Variants in ANLN observed in about 807,000 individuals in gnomAD.
The protein encoded by ANLN is anillin, actin binding protein, also known as anillin.
Under a neutral mutation model 135.1 loss-of-function variants are expected in ANLN, and 59 were observed. The observed-to-expected ratio is 0.44, with a 90% confidence interval of 0.35 to 0.54. ANLN has a LOEUF of 0.54. Ranked by LOEUF, ANLN falls within the 20% of genes least tolerant of loss-of-function variation. The probability of loss-of-function intolerance (pLI) is 0.00; values close to 1 mark genes in which losing one functional copy is unlikely to be tolerated. For synonymous variants in ANLN, 406 were observed against 456.4 expected, an observed-to-expected ratio of 0.89 and a Z score of 1.41; for missense variants, 1,182 against 1,340.0, an observed-to-expected ratio of 0.88 and a Z score of 1.84.
chr7:36,427,962 A>G (rs1391338797), intron 20 of ANLN, among the ~76,000 whole-genome samples: 1 of 152,190 alleles, frequency 6.6e-6, no homozygotes, highest in Non-Finnish European at 1.5e-5. Context: ...GCGAATATAG[A>G]GATGAAGAAG....
Position 36,449,688 on chromosome 7 carries a change from G to A in ANLN, c.3102G>A (p.Leu1034=). ...KRKNPIGRIN[L]ANCTSRQIEP... is the part of the protein sequence containing the mutation. ...AGAATCCCATAGGAAGGATAAATCTGGCTAATTGTACCAGTCGTCAGATAG... is the reference window on the plus strand; with the variant it reads ...AGAATCCCATAGGAAGGATAAATCTAGCTAATTGTACCAGTCGTCAGATAG... Residue 1034 remains leucine, a synonymous_variant, in exon 23 of 24, where the codon CTG becomes CTA. Coordinates refer to ENST00000265748, the MANE Select transcript of ANLN (RefSeq NM_018685.5). The A allele has an allele frequency of 6.2e-7, 1 of 1,611,916 alleles. No individual in the cohort carries two copies. Among genetic ancestry groups the A allele is most frequent in the Non-Finnish European group, 8.5e-7 (1 of 1,178,840 alleles).
intron 17 of ANLN, 34 bp from the exon 18 acceptor site, chr7:36,425,668 A>G (rs1583632346): frequency 1.3e-6 from 2 of 1,500,710 alleles, no homozygotes; most frequent in Non-Finnish European, 1.8e-6. Flanking sequence ...ATGTTTAATA[A>G]GAAATATATA....
chr7:36,407,880 G>A lies in ANLN; in HGVS notation c.1020G>A (p.Gln340=). The change falls in exon 5 of 24, where the codon CAG becomes CAA. Residue 340 remains glutamine (Q), a synonymous_variant. Coordinates refer to ENST00000265748, the MANE Select transcript of ANLN (RefSeq NM_018685.5). ...CAATTGTGAAGTCAACTTTATCCCAGACAGTTCCATCCAAGGGAGAATTAA... is the reference window on the plus strand; with the variant it reads ...CAATTGTGAAGTCAACTTTATCCCAAACAGTTCCATCCAAGGGAGAATTAA... ...SKPIVKSTLS[Q]TVPSKGELSR... The A allele has an allele frequency of 1.2e-6, 2 of 1,613,886 alleles. No homozygotes were observed. The highest frequency in any genetic ancestry group is 2.7e-5 in the African/African-American group (2 of 75,036).
In ANLN at chr7:36,452,754, A is replaced by G; in HGVS notation, c.*154A>G. 1 of 775,424 alleles carries G rather than the reference A, an allele frequency of 1.3e-6. No homozygotes were observed. Among genetic ancestry groups the G allele is most frequent in the Admixed American group, 2.8e-5 (1 of 35,918 alleles). 48.0% of individuals were successfully genotyped at this position (775,424 alleles called of 1,614,324 possible). A position where few individuals can be genotyped will look rare whatever the true frequency, so the allele number is the denominator to read the frequency against. ...ATTATGCAGTATTTATATCTTTTGT[A>G]TGTAAAACTTTAACTGATTTCTGTC... On this transcript the variant is annotated 3_prime_UTR_variant, in exon 24 of 24. Transcript: ENST00000265748.
At position 36,427,508 on chromosome 7, in the gene ANLN, C is replaced by T. The variant is rs182934522; in HGVS notation, c.2883+480C>T. Among the ~76,000 whole-genome samples the T allele has an allele frequency of 7.2e-5, 11 of 152,050 alleles. No individual in the cohort carries two copies. The East Asian group carries it at 1.7e-3, about 24-fold the overall frequency. ...CTGGGACTACAGGCACGTGATGCCA[C>T]GCCTGGCTAATTTTTACTATTGTTT... On this transcript the variant is annotated intron_variant, in intron 20 of 23. Transcript: ENST00000265748.
intron 20 of ANLN, among the ~76,000 whole-genome samples, chr7:36,436,334 G>A (rs982425244): frequency 6.6e-6 from 1 of 152,104 alleles, no homozygotes; most frequent in African/African-American, 2.4e-5. Context: ...TCTATTATAT[G>A]TATATACAGC....
chr7:36,452,043 G>A (rs914284721), intron 23 of ANLN, among the ~76,000 whole-genome samples: 5 of 152,152 alleles, frequency 3.3e-5, no homozygotes, highest in African/African-American at 1.2e-4. Context: ...CCAGGTGAAG[G>A]TCCATGGGTC....
chr7:36,391,796 C>A lies in ANLN; in HGVS notation c.18+1752C>A, dbSNP rs1786477598. Among the ~76,000 whole-genome samples the A allele has an allele frequency of 2.0e-5, 3 of 152,208 alleles. No homozygotes were observed. The South Asian group carries it at 6.2e-4, about 31-fold the overall frequency. On this transcript the variant is annotated intron_variant, in intron 1 of 23. Transcript: ENST00000265748. ...CACCCTACAAACATAGGAAATAAGT[C>A]TATCATATTAACGCCAGCGTATTAG...
chr7:36,439,746 A>G (rs1040018221), intron 21 of ANLN, among the ~76,000 whole-genome samples: 1 of 152,220 alleles, frequency 6.6e-6, no homozygotes, highest in Non-Finnish European at 1.5e-5. Context: ...CTACCCAAAG[A>G]AAAGAAGAAT....
In ANLN at chr7:36,408,031, A is replaced by G. The variant is rs186835572; in HGVS notation, c.1096+75A>G. The G allele has an allele frequency of 5.1e-4, 599 of 1,165,476 alleles. 1 individual carries two copies. The East Asian group carries it at 6.9e-3, about 13-fold the overall frequency. The allele number at this position is 1,165,476 out of a possible 1,614,324, so 72.2% of individuals were successfully genotyped here. ...CTATTCTCAGCATTTTAAATATTCAATTGTGAATGGTACAGCAATGATTTG... is the reference window on the plus strand; with the variant it reads ...CTATTCTCAGCATTTTAAATATTCAGTTGTGAATGGTACAGCAATGATTTG... On this transcript the variant is annotated intron_variant, in intron 5 of 23. Transcript: ENST00000265748.
chr7:36,453,333 C>G lies in ANLN; in HGVS notation c.*733C>G, dbSNP rs1435088791. 1 of 152,206 alleles carries G rather than the reference C, an allele frequency of 6.6e-6. No homozygotes were observed. Among genetic ancestry groups the G allele is most frequent in the East Asian group, 1.9e-4 (1 of 5,196 alleles). The allele number at this position is 152,206 out of a possible 1,614,324, so 9.4% of individuals were successfully genotyped here. ...TTATTTTTGCTGCGTAGCTTACAGA[C>G]TTAGCATATTAGTTTTTTCTACTCC... On this transcript the variant is annotated 3_prime_UTR_variant, in exon 24 of 24. Transcript: ENST00000265748.
chr7:36,414,235 T>C (rs1372237805), intron 7 of ANLN, among the ~76,000 whole-genome samples: 2 of 152,070 alleles, frequency 1.3e-5, no homozygotes, highest in Non-Finnish European at 2.9e-5. Context: ...CATTTCTTAG[T>C]TTGGTCCTAA....
In ANLN at chr7:36,420,275, G is replaced by A. The variant is rs1252212394; in HGVS notation, c.1976G>A (p.Gly659Asp). ...QRTRVPRAESGDSLGSEDRDL... is the reference protein window; with the variant it reads ...QRTRVPRAESDDSLGSEDRDL... Reference sequence around the variant, plus strand: ...ACTCGTGTCCCTCGAGCTGAATCTGGTGATAGCCTTGGTTCTGAAGATCGT... The same window carrying A: ...ACTCGTGTCCCTCGAGCTGAATCTGATGATAGCCTTGGTTCTGAAGATCGT... The change falls in exon 11 of 24, where the codon GGT becomes GAT. Residue 659 changes from glycine (G) to aspartate (D), a missense_variant. Around this residue, in one of 3 missense-constraint regions of ANLN, gnomAD observed 1,022 missense variants for 1,134.0 expected, o/e 0.90. Transcript: ENST00000265748. 6.2e-7 allele frequency: 1 copy of A among 1,614,102 alleles called. No homozygotes were observed. The highest frequency in any genetic ancestry group is 1.1e-5 in the South Asian group (1 of 91,082).
At chr7:36,390,101 C>T (rs750922271) in intron 1 of ANLN, 57 bp downstream of exon 1, 1 of 1,611,644 alleles carries the variant, frequency 6.2e-7, no homozygotes. Context: ...CCCCCACCCA[C>T]CTTCCTCTGT....
At chr7:36,395,200 AG>A (rs1786645609) in intron 1 of ANLN, among the ~76,000 whole-genome samples, 1 of 152,238 alleles carries the variant, frequency 6.6e-6, no homozygotes, top group African/African-American at 2.4e-5. Flanking sequence ...CTTTAGAGAC[AG>A]GGTCTCACTC....
At chr7:36,440,845 G>GA (rs1788741231) in intron 21 of ANLN, among the ~76,000 whole-genome samples, 1 of 152,174 alleles carries the variant, frequency 6.6e-6, no homozygotes, top group African/African-American at 2.4e-5. Context: ...AAGAAGTAGA[G>GA]AAAATCCACT....
chr7:36,450,443 A>T (rs1187855705), intron 23 of ANLN, among the ~76,000 whole-genome samples: 1 of 152,182 alleles, frequency 6.6e-6, no homozygotes, highest in Non-Finnish European at 1.5e-5. Context: ...TTAGAATTTG[A>T]TAAGATGTTT....
At chr7:36,404,419 G>T (rs1346008991) in intron 3 of ANLN, among the ~76,000 whole-genome samples, 3 of 152,124 alleles carry the variant, frequency 2.0e-5, no homozygotes. Flanking sequence ...ATCTTTCTGT[G>T]CATCTTCCAC....
intron 22 of ANLN, chr7:36,448,829 A>G (rs781089235): frequency 7.2e-5 from 11 of 152,184 alleles, no homozygotes; most frequent in Non-Finnish European, 1.5e-4. Flanking sequence ...GCATATTTAT[A>G]TATTTGCTTC....
Sources: allele counts gnomAD v4.1 joint callset (sites outside exome capture counted in the v4.1 genomes callset), GRCh38; gene constraint gnomAD v4.1.1; regional missense constraint gnomAD v4.1.1; transcripts MANE v1.5; gene names NCBI Gene and HGNC (gene_info 2026-07-23, HGNC 2026-07-21).